SSH2: variants seen among roughly 807,000 people sequenced by gnomAD.
SSH2 encodes protein phosphatase Slingshot homolog 2.
A neutral mutation model predicts 135.2 loss-of-function variants in SSH2; 37 were observed. The ratio of observed to expected loss-of-function variants is 0.27; its 90% CI spans 0.21 to 0.36. SSH2 has a LOEUF of 0.36. Ranked by LOEUF, SSH2 falls within the 10% of genes least tolerant of loss-of-function variation. The pLI, the probability that SSH2 is intolerant of heterozygous loss-of-function variation, is 1.00. For synonymous variants in SSH2, 628 were observed against 646.2 expected (o/e 0.97, Z 0.43); for missense variants, 1,408 against 1,765.3 (o/e 0.80, Z 3.63).
intron 4 of SSH2, among the ~76,000 whole-genome samples, chr17:29,700,851 G>A (rs563900819): frequency 8.5e-5 from 13 of 152,070 alleles, no homozygotes; most frequent in Admixed American, 3.9e-4. Flanking sequence ...GGGTAGCAGC[G>A]CAATCTCAGC....
Position 29,730,312 on chromosome 17 carries a change from A to AAT in SSH2, c.189-27252_189-27251dup, listed in dbSNP as rs1436100470. Among the ~76,000 whole-genome samples the AAT allele has an allele frequency of 4.7e-3, 694 of 147,368 alleles. 3 individuals are homozygous for AAT. Among genetic ancestry groups the AAT allele is most frequent in the African/African-American group, 0.015 (607 of 40,622 alleles). Reference sequence around the variant, plus strand: ...GGGTGACAAAGTGGGACTCTGTCTAAATATATATATATATAATTTTATATA... The same window carrying AAT: ...GGGTGACAAAGTGGGACTCTGTCTAAATATATATATATATATAATTTTATATA... On this transcript the variant is annotated intron_variant, in intron 3 of 15. Transcript: ENST00000540801.
Position 29,793,920 on chromosome 17 carries a change from C to T in SSH2, c.162G>A (p.Glu54=), listed in dbSNP as rs1352943118. Residue 54 remains glutamate, a synonymous_variant, in exon 3 of 16, where the codon GAG becomes GAA. Coordinates refer to ENST00000540801, the MANE Select transcript of SSH2 (RefSeq NM_001282129.2). The part of the protein sequence containing the change: ...FTDSNEADSG[E]EECRSQPRSI... ...TCCTGGGCTGTGACCGGCATTCTTC[C>T]TCCCCACTGTCTGCCTCCTGTATAG... 1 of 1,613,308 alleles carries T rather than the reference C, an allele frequency of 6.2e-7. No individual in the cohort carries two copies. The highest frequency in any genetic ancestry group is 1.3e-5 in the African/African-American group (1 of 74,840).
At chr17:29,928,564 C>G (rs1395743389) in intron 1 of SSH2, 1 of 398,426 alleles carries the variant, frequency 2.5e-6, no homozygotes. Context: ...CTCCCTGAAC[C>G]AAGAATCCCA....
chr17:29,791,369 A>C (rs1198333031), intron 3 of SSH2, among the ~76,000 whole-genome samples: 1 of 152,182 alleles, frequency 6.6e-6, no homozygotes, highest in Non-Finnish European at 1.5e-5. Context: ...TACAGGCATG[A>C]GCCACTGCCC....
At chr17:29,718,183 A>G (rs1598869570) in intron 3 of SSH2, among the ~76,000 whole-genome samples, 1 of 152,266 alleles carries the variant, frequency 6.6e-6, no homozygotes, top group East Asian at 1.9e-4. Context: ...CCTTCTTGAA[A>G]CTTTCTTATT....
intron 3 of SSH2, among the ~76,000 whole-genome samples, chr17:29,707,509 G>C (rs2039254249): frequency 6.6e-6 from 1 of 151,898 alleles, no homozygotes; most frequent in Admixed American, 6.6e-5. Context: ...AATTGTACAA[G>C]GTAGGCCAAC....
chr17:29,632,339 A>G lies in SSH2; in HGVS notation c.2855T>C (p.Leu952Pro), dbSNP rs2150961752. 1 of 1,613,940 alleles carries G rather than the reference A, an allele frequency of 6.2e-7. No individual in the cohort carries two copies. The highest frequency in any genetic ancestry group is 2.2e-5 in the East Asian group (1 of 44,878). ...GCCTTTGCTCATTTCTGGTTCCTTG[A>G]GGACAAATGAATGTTCTGGGGGGGC... ...DEAPPEHSFVLKEPEMSKGKG... is the reference protein window; with the variant it reads ...DEAPPEHSFVPKEPEMSKGKG... Residue 952 changes from leucine to proline, a missense_variant, in exon 16 of 16, where the codon CTC becomes CCC. By Grantham distance (98) the Leu-to-Pro change is moderately conservative. Coordinates refer to ENST00000540801, the MANE Select transcript of SSH2 (RefSeq NM_001282129.2).
chr17:29,788,873 T>C (rs1171987856), intron 3 of SSH2, among the ~76,000 whole-genome samples: 3 of 152,192 alleles, frequency 2.0e-5, no homozygotes, highest in African/African-American at 7.2e-5. Context: ...TCAGAAAGGA[T>C]AGAGGAGATC....
intron 4 of SSH2, 59 bp from the exon 5 acceptor site, chr17:29,695,582 A>G (rs1306607955): frequency 2.0e-6 from 3 of 1,466,394 alleles, no homozygotes; most frequent in Non-Finnish European, 2.8e-6. Flanking sequence ...GACAGAGAGG[A>G]TTCCTTCTAC....
rs565479288 is a variant in SSH2, at chr17:29,634,710, G to A, written c.2262+1258C>T. ...TGGGACTACAGGTGCGCGCCACCAC[G>A]CCCAGCTCATTTTTGTATTTTTAGT... On this transcript the variant is annotated intron_variant, in intron 15 of 15. Transcript: ENST00000540801. 1.1e-4 allele frequency among the ~76,000 whole-genome samples: 17 copies of A among 150,976 alleles called. No individual in the cohort carries two copies. The South Asian group carries it at 2.7e-3, about 24-fold the overall frequency.
At chr17:29,860,416 G>A (rs1188126391) in intron 1 of SSH2, among the ~76,000 whole-genome samples, 5 of 147,910 alleles carry the variant, frequency 3.4e-5, no homozygotes, top group East Asian at 2.0e-4. Flanking sequence ...TTTGAAAAGC[G>A]TCTCTTCATG....
rs889772122 is a variant in SSH2 at position 29,773,673 on chromosome 17, A to AT, written c.188+20220dup. ...GGCAGTTTGAGAGATCATTTGGGTT[A>AT]TTTTTTTTATTTATTTATTTTTAGA... On this transcript the variant is annotated intron_variant, in intron 3 of 15. Transcript: ENST00000540801. Among the ~76,000 whole-genome samples, 117 of 152,084 alleles carry AT rather than the reference A, an allele frequency of 7.7e-4. 1 individual carries two copies. The highest frequency in any genetic ancestry group is 2.7e-3 in the African/African-American group (112 of 41,494).
intron 1 of SSH2, chr17:29,864,199 G>A (rs2065814147): frequency 2.6e-5 from 4 of 152,068 alleles, no homozygotes; most frequent in Admixed American, 2.6e-4. Flanking sequence ...CAGCTACTCA[G>A]GAGGCTGAGG....
chr17:29,663,717 TAAAAA>T (rs1389464390), intron 11 of SSH2, among the ~76,000 whole-genome samples: 1 of 152,224 alleles, frequency 6.6e-6, no homozygotes, highest in African/African-American at 2.4e-5. Flanking sequence ...GATGTGTATT[TAAAAA>T]GTAAAAACTT....
chr17:29,806,278 T>C (rs934458470), intron 2 of SSH2, among the ~76,000 whole-genome samples: 2 of 152,266 alleles, frequency 1.3e-5, no homozygotes, highest in Non-Finnish European at 2.9e-5. Context: ...GATTATAGCC[T>C]TATTTTTCAG....
At chr17:29,848,090 C>T (rs745704625) in intron 2 of SSH2, among the ~76,000 whole-genome samples, 2 of 152,142 alleles carry the variant, frequency 1.3e-5, no homozygotes, top group South Asian at 2.1e-4. Flanking sequence ...AAACTAAGAA[C>T]CCTCCTGGGC....
At chr17:29,819,008 C>T (rs2042608571) in intron 2 of SSH2, among the ~76,000 whole-genome samples, 2 of 152,056 alleles carry the variant, frequency 1.3e-5, no homozygotes, top group Non-Finnish European at 2.9e-5. Context: ...GGGCGGATCA[C>T]CTGAGGTCGG....
intron 3 of SSH2, among the ~76,000 whole-genome samples, chr17:29,746,898 T>G (rs1188123160): frequency 2.0e-5 from 3 of 152,220 alleles, no homozygotes; most frequent in Non-Finnish European, 2.9e-5. Flanking sequence ...GAAGTATGCT[T>G]AAAGTGTTGC....
chr17:29,770,104 T>TTG (rs1567963134), intron 3 of SSH2, among the ~76,000 whole-genome samples: 15 of 148,364 alleles, frequency 1.0e-4, no homozygotes, highest in South Asian at 8.5e-4. Flanking sequence ...TTTTTTTTTT[T>TTG]TTTTTTTTTT....
Sources: allele counts gnomAD v4.1 joint callset (sites outside exome capture counted in the v4.1 genomes callset), GRCh38; gene constraint gnomAD v4.1.1; transcripts MANE v1.5; gene names NCBI Gene and HGNC (gene_info 2026-07-23, HGNC 2026-07-21).